The following BCAS3 variants were observed in gnomAD, a reference collection of about 807,000 sequenced individuals.
BCAS3 encodes BCAS4/BCAS3 fusion.
In BCAS3, 53 loss-of-function variants were observed where a neutral mutation model predicts 116.1. That is an observed-to-expected ratio of 0.46 (90% CI 0.37 to 0.57). The LOEUF (loss-of-function observed/expected upper bound fraction) is 0.57, where lower values mean the gene tolerates loss of function less well. BCAS3 is among the 20% of genes least tolerant of loss of function. The pLI is 0.00. For missense variants in BCAS3, 917 were observed against 1,165.4 expected, an observed-to-expected ratio of 0.79 and a Z score of 3.10; for synonymous variants, 391 against 408.2, an observed-to-expected ratio of 0.96 and a Z score of 0.51.
At chr17:61,163,390 T>G (rs138307950) in intron 22 of BCAS3, among the ~76,000 whole-genome samples, 31 of 151,512 alleles carry the variant, frequency 2.0e-4, no homozygotes, top group Admixed American at 1.1e-3. Context: ...CGCCACTGCA[T>G]TCCAGCCTGG....
chr17:61,075,654 T>A (rs1191169528), intron 20 of BCAS3, among the ~76,000 whole-genome samples: 1 of 152,082 alleles, frequency 6.6e-6, no homozygotes. Flanking sequence ...GAACACATTT[T>A]CATCAGGTTT....
chr17:61,302,008 T>C lies in BCAS3; in HGVS notation c.2426-66319T>C, dbSNP rs2144744857. ...AGAATTAGGTGAAGCACGGCCACTTTGAACGCTTATTCCCATTCTGCAGAG... is the reference window on the plus strand; with the variant it reads ...AGAATTAGGTGAAGCACGGCCACTTCGAACGCTTATTCCCATTCTGCAGAG... On this transcript the variant is annotated intron_variant, in intron 22 of 23. Coordinates refer to ENST00000407086, the MANE Select transcript of BCAS3 (RefSeq NM_017679.5). This position sits in a 1 kb window ranked among gnomAD's most constrained non-coding sequence, Gnocchi z 4.4. 6.6e-6 allele frequency among the ~76,000 whole-genome samples: 1 copy of C among 152,350 alleles called. No individual in the cohort carries two copies. Among genetic ancestry groups the C allele is most frequent in the South Asian group, 2.1e-4 (1 of 4,820 alleles).
At chr17:61,360,489 T>C (rs1054493501) in intron 22 of BCAS3, among the ~76,000 whole-genome samples, 1 of 152,202 alleles carries the variant, frequency 6.6e-6, no homozygotes, top group Non-Finnish European at 1.5e-5. Context: ...GAGGCTAGCA[T>C]TCTGAAATCG....
rs910419477 is a variant in BCAS3, at chr17:61,205,364, T to C, written c.2425+120800T>C. Among the ~76,000 whole-genome samples the C allele has an allele frequency of 6.6e-6, 1 of 152,202 alleles. No individual in the cohort carries two copies. The highest frequency in any genetic ancestry group is 1.5e-5 in the Non-Finnish European group (1 of 68,030). ...TCCCACATTGTCAACATCAGTACCA[T>C]TTATTTGTTGACCAACAGAAGACCA... On this transcript the variant is annotated intron_variant, in intron 22 of 23. Coordinates refer to ENST00000407086, the MANE Select transcript of BCAS3 (RefSeq NM_017679.5). The surrounding 1 kb of genome is among the most constrained non-coding windows in gnomAD (Gnocchi z 5.2).
chr17:61,020,030 A>G lies in BCAS3; in HGVS notation c.1637+4129A>G, dbSNP rs1237528023. Among the ~76,000 whole-genome samples, 1 of 152,218 alleles carries G rather than the reference A, an allele frequency of 6.6e-6. No individual in the cohort carries two copies. The highest frequency in any genetic ancestry group is 1.5e-5 in the Non-Finnish European group (1 of 68,044). On this transcript the variant is annotated intron_variant, in intron 16 of 23. Transcript: ENST00000407086. This position sits in a 1 kb window ranked among gnomAD's most constrained non-coding sequence, Gnocchi z 4.5. ...AATATACCTGATAATGTAGTTGGTAAAATTATGTACTTAGGTTAGATAAGC... is the reference window on the plus strand; with the variant it reads ...AATATACCTGATAATGTAGTTGGTAGAATTATGTACTTAGGTTAGATAAGC...
In BCAS3 at chr17:61,387,852, T is replaced by C. The variant is rs1035243045; in HGVS notation, c.2594-4125T>C. ...GCTCTCTGCAATGTGGGTATATAGCTCCCACCACCCAGGGGACCACATCCC... is the reference window on the plus strand; with the variant it reads ...GCTCTCTGCAATGTGGGTATATAGCCCCCACCACCCAGGGGACCACATCCC... On this transcript the variant is annotated intron_variant, in intron 23 of 23. Coordinates refer to ENST00000407086, the MANE Select transcript of BCAS3 (RefSeq NM_017679.5). The surrounding 1 kb of genome is among the most constrained non-coding windows in gnomAD (Gnocchi z 6.2). 6.6e-6 allele frequency among the ~76,000 whole-genome samples: 1 copy of C among 152,036 alleles called. No homozygotes were observed. Among genetic ancestry groups the C allele is most frequent in the Non-Finnish European group, 1.5e-5 (1 of 68,000 alleles).
rs139376859 is a variant in BCAS3 at position 61,222,725 on chromosome 17, A to G, written c.2425+138161A>G. On this transcript the variant is annotated intron_variant, in intron 22 of 23. Coordinates refer to ENST00000407086, the MANE Select transcript of BCAS3 (RefSeq NM_017679.5). This position sits in a 1 kb window ranked among gnomAD's most constrained non-coding sequence, Gnocchi z 6.1. ...ATTCAGCAACCAGTGGTCTTGGTCA[A>G]GGTGGGCCATGGCCACTCTGCGACT... Among the ~76,000 whole-genome samples, 2 of 152,196 alleles carry G rather than the reference A, an allele frequency of 1.3e-5. No individual in the cohort carries two copies. The highest frequency in any genetic ancestry group is 6.5e-5 in the Admixed American group (1 of 15,276).
intron 23 of BCAS3, among the ~76,000 whole-genome samples, chr17:61,372,911 A>T (rs1310090187): frequency 1.3e-5 from 2 of 151,662 alleles, no homozygotes; most frequent in East Asian, 1.9e-4. Context: ...GATATAACTT[A>T]ATACCAGTAA....
rs2054488293 is a variant in BCAS3 at position 61,313,482 on chromosome 17, A to C, written c.2426-54845A>C. 6.6e-6 allele frequency among the ~76,000 whole-genome samples: 1 copy of C among 152,240 alleles called. No individual in the cohort carries two copies. The highest frequency in any genetic ancestry group is 2.1e-4 in the South Asian group (1 of 4,836). ...CTCTCTGAGAGCGGGTAAGAGTAGA[A>C]AAGAATTGCTGATCTCAAGCATTTT... is the stretch of plus-strand genomic sequence containing the variant. On this transcript the variant is annotated intron_variant, in intron 22 of 23. Coordinates refer to ENST00000407086, the MANE Select transcript of BCAS3 (RefSeq NM_017679.5). This position sits in a 1 kb window ranked among gnomAD's most constrained non-coding sequence, Gnocchi z 4.3.
chr17:61,306,027 G>A (rs757052594), intron 22 of BCAS3, among the ~76,000 whole-genome samples: 8 of 152,206 alleles, frequency 5.3e-5, no homozygotes, highest in Non-Finnish European at 1.0e-4. Flanking sequence ...TTGGCCCCAA[G>A]TCTACCTGAA....
At chr17:60,756,085 T>G (rs1407955328) in intron 6 of BCAS3, among the ~76,000 whole-genome samples, 3 of 142,790 alleles carry the variant, frequency 2.1e-5, no homozygotes, top group Non-Finnish European at 3.1e-5. Flanking sequence ...GGGACCTGTT[T>G]TGTGGAAGCC....
chr17:61,008,759 G>T lies in BCAS3; in HGVS notation c.1487-6992G>T, dbSNP rs1293526127. 6.6e-6 allele frequency among the ~76,000 whole-genome samples: 1 copy of T among 151,988 alleles called. No individual in the cohort carries two copies. The highest frequency in any genetic ancestry group is 1.5e-5 in the Non-Finnish European group (1 of 67,944). Reference sequence around the variant, plus strand: ...CATCATCTAGTTTTTATTTTTGAAAGATATGATATAGGGAATAGAACATCT... The same window carrying T: ...CATCATCTAGTTTTTATTTTTGAAATATATGATATAGGGAATAGAACATCT... On this transcript the variant is annotated intron_variant, in intron 15 of 23. Transcript: ENST00000407086. The surrounding 1 kb of genome is among the most constrained non-coding windows in gnomAD (Gnocchi z 4.6).
chr17:61,009,137 GGTCTGT>G, intron 15 of BCAS3, among the ~76,000 whole-genome samples: 1 of 152,112 alleles, frequency 6.6e-6, no homozygotes, highest in Admixed American at 6.6e-5. Flanking sequence ...AAGTGGATAA[GGTCTGT>G]GTCTGTGGTA....
chr17:60,858,922 T>C (rs1401063125), intron 7 of BCAS3, among the ~76,000 whole-genome samples: 1 of 151,792 alleles, frequency 6.6e-6, no homozygotes, highest in African/African-American at 2.4e-5. Context: ...TTAGGGCCAT[T>C]AAAAAACTGT....
Position 61,392,064 on chromosome 17 carries a change from G to A in BCAS3, c.2681G>A (p.Arg894Gln), listed in dbSNP as rs776735306. The change falls in exon 24 of 24, where the codon CGA becomes CAA. Residue 894 changes from arginine (R) to glutamine (Q), a missense_variant. This residue lies in a region of BCAS3 where 109 missense variants were observed against 122.8 expected (regional missense o/e 0.89). Coordinates refer to ENST00000407086, the MANE Select transcript of BCAS3 (RefSeq NM_017679.5). The surrounding 1 kb of genome is among the most constrained non-coding windows in gnomAD (Gnocchi z 6.4). Reference protein sequence around the residue: ...GSIPRNFDGYRSPLPTNESQP... With the variant: ...GSIPRNFDGYQSPLPTNESQP... The stretch of plus-strand genomic sequence containing the variant: ...ATACCAAGAAACTTTGATGGCTACC[G>A]ATCTCCGCTGCCCACCAATGAGAGC... 10 of 1,613,636 alleles carry A rather than the reference G, an allele frequency of 6.2e-6. No homozygotes were observed. Among genetic ancestry groups the A allele is most frequent in the Middle Eastern group, 1.6e-4 (1 of 6,080 alleles).
At chr17:61,003,872 G>A (rs1239196443) in intron 15 of BCAS3, 3 of 152,052 alleles carry the variant, frequency 2.0e-5, no homozygotes, top group South Asian at 2.1e-4. Context: ...CGCCTTATAG[G>A]TATCAGTGGT....
At chr17:61,191,055 G>A (rs2080081876) in intron 22 of BCAS3, among the ~76,000 whole-genome samples, 1 of 152,030 alleles carries the variant, frequency 6.6e-6, no homozygotes, top group Admixed American at 6.6e-5. Flanking sequence ...GGGTGACAGA[G>A]CAAGACACTG....
chr17:60,862,638 T>G (rs78013940), intron 7 of BCAS3, among the ~76,000 whole-genome samples: 4,609 of 152,232 alleles, frequency 0.03, 175 homozygotes, highest in East Asian at 0.092. Flanking sequence ...TCATCACTGT[T>G]GAGTCATAAG....
At chr17:61,001,080 T>C (rs1272154488) in intron 15 of BCAS3, among the ~76,000 whole-genome samples, 1 of 152,194 alleles carries the variant, frequency 6.6e-6, no homozygotes, top group Non-Finnish European at 1.5e-5. Flanking sequence ...TTCCTGCAAG[T>C]GTCTCCTTTC....
Sources: gnomAD v4.1 joint callset for allele counts (sites outside exome capture counted in the v4.1 genomes callset) on GRCh38, gnomAD v4.1.1 for gene constraint, gnomAD v4.1.1 regional missense constraint, Gnocchi (gnomAD v3.1) non-coding constraint, MANE v1.5 for transcripts, NCBI Gene and HGNC (gene_info 2026-07-23, HGNC 2026-07-21) for gene names.